CD33: variants seen among roughly 807,000 people sequenced by gnomAD.
CD33 encodes the protein CD33 molecule, also known as myeloid cell surface antigen CD33.
CD33 carries 25 observed loss-of-function variants against 31.4 expected under a neutral mutation model. The ratio of observed to expected loss-of-function variants is 0.80; its 90% CI spans 0.58 to 1.11. CD33 has a LOEUF of 1.11. Ranked by LOEUF, CD33 falls within the 50% of genes most tolerant of loss-of-function variation. CD33 has a pLI of 0.00. For synonymous variants in CD33, 176 were observed against 180.6 expected (o/e 0.97, Z 0.20); for missense variants, 407 against 448.1 (o/e 0.91, Z 0.83).
At chr19:51,221,124 CA>C (rs1217799275), upstream of CD33, among the ~76,000 whole-genome samples, 1 of 152,050 alleles carries the variant, frequency 6.6e-6, no homozygotes, top group Non-Finnish European at 1.5e-5. Context: ...TCACATTTCT[CA>C]AAAAAATATA....
the CD33 span, among the ~76,000 whole-genome samples, chr19:51,213,756 G>A: frequency 3.1e-4 from 47 of 150,796 alleles, no homozygotes; most frequent in East Asian, 3.9e-4. Flanking sequence ...GGCTGATATC[G>A]AACTCCTGAC....
the CD33 span, among the ~76,000 whole-genome samples, chr19:51,217,709 A>G: frequency 6.6e-6 from 1 of 151,442 alleles, no homozygotes; most frequent in African/African-American, 2.4e-5. Context: ...ATGAGCTACC[A>G]CTCCTGGCCT....
At chr19:51,223,936 G>A (rs1980810840), upstream of CD33, among the ~76,000 whole-genome samples, 9 of 152,138 alleles carry the variant, frequency 5.9e-5, no homozygotes, top group Admixed American at 5.9e-4. Context: ...GGCTATGGAT[G>A]GGGAGTATCT....
At chr19:51,236,048 C>T in intron 6 of CD33, 2 of 542,364 alleles carry the variant, frequency 3.7e-6, no homozygotes, top group Non-Finnish European at 6.7e-6. Flanking sequence ...GTCCCAGCTA[C>T]TTGGGAGGCT....
chr19:51,226,238 A>G, intron 3 of CD33, 71 bp from the exon 4 acceptor site: 1 of 1,526,468 alleles, frequency 6.6e-7, no homozygotes, highest in Non-Finnish European at 9.1e-7. Context: ...TTCTGGCAGG[A>G]GTAAGGGGAA....
the CD33 span, among the ~76,000 whole-genome samples, chr19:51,216,668 G>GA: frequency 1.1e-3 from 153 of 135,334 alleles, no homozygotes; most frequent in South Asian, 4.0e-3. Flanking sequence ...CTCTGTCTCA[G>GA]AAAAAAAAAA....
the CD33 span, chr19:51,211,645 G>C: frequency 7.8e-7 from 1 of 1,280,658 alleles, no homozygotes; most frequent in Non-Finnish European, 1.1e-6. Flanking sequence ...CCTCAGGACA[G>C]GGCTTGGGAT....
upstream of CD33, among the ~76,000 whole-genome samples, chr19:51,221,077 A>G (rs1380024684): frequency 1.3e-5 from 2 of 152,234 alleles, no homozygotes; most frequent in Non-Finnish European, 2.9e-5. Flanking sequence ...CAATAACAAA[A>G]AATAAACAAC....
the CD33 span, among the ~76,000 whole-genome samples, chr19:51,215,459 C>T: frequency 1.4e-4 from 22 of 152,210 alleles, 1 homozygote; most frequent in Admixed American, 3.9e-4. Flanking sequence ...ACTTATATGC[C>T]CCGATCTCTT....
At chr19:51,217,819 A>T in the CD33 span, among the ~76,000 whole-genome samples, 1 of 152,214 alleles carries the variant, frequency 6.6e-6, no homozygotes, top group Admixed American at 6.5e-5. Context: ...CTTCTGAATT[A>T]TTTCAGTTAA....
At chr19:51,229,848 A>AT (rs914887370) in intron 4 of CD33, among the ~76,000 whole-genome samples, 210 of 150,020 alleles carry the variant, frequency 1.4e-3, no homozygotes, top group African/African-American at 1.9e-3. Context: ...TTGTTCATTG[A>AT]TTTTTTTTTA....
At chr19:51,214,423 T>C in the CD33 span, among the ~76,000 whole-genome samples, 21 of 150,068 alleles carry the variant, frequency 1.4e-4, no homozygotes, top group Non-Finnish European at 2.2e-4. Flanking sequence ...GTCTCGAATT[T>C]CTGACCTCGT....
chr19:51,225,881 C>G lies in CD33; in HGVS notation c.497C>G (p.Ser166Cys), dbSNP rs749625569. 2 of 1,614,096 alleles carry G rather than the reference C, an allele frequency of 1.2e-6. No homozygotes were observed. The highest frequency in any genetic ancestry group is 1.7e-6 in the Non-Finnish European group (2 of 1,180,022). The change falls in exon 3 of 7, where the codon TCC becomes TGC. Residue 166 changes from serine (S) to cysteine (C), a missense_variant. Physicochemically the swap from Ser to Cys is moderately radical, Grantham distance 112. Transcript: ENST00000262262. ...TCCAAAAACCTGACCTGCTCTGTGT[C>G]CTGGGCCTGTGAGCAGGGAACACCC... Reference protein sequence around the residue: ...GHSKNLTCSVSWACEQGTPPI... With the variant: ...GHSKNLTCSVCWACEQGTPPI...
chr19:51,225,674 G>C (rs1980952830), intron 2 of CD33, 76 bp downstream of exon 2: 1 of 1,531,100 alleles, frequency 6.5e-7, no homozygotes, highest in South Asian at 1.3e-5. Context: ...TGGGACCCTG[G>C]TACTGGGAGG....
intron 6 of CD33, chr19:51,236,808 A>T (rs1393255098): frequency 6.6e-6 from 1 of 150,878 alleles, no homozygotes; most frequent in Non-Finnish European, 1.5e-5. Context: ...TAACACAACC[A>T]CTCCTGAGCC....
At chr19:51,239,245 A>C in intron 6 of CD33, 1 of 273,540 alleles carries the variant, frequency 3.7e-6, no homozygotes, top group Non-Finnish European at 6.8e-6. Context: ...ATGGATTAAA[A>C]TAATAGATGC....
At chr19:51,229,693 T>C (rs1213701760) in intron 4 of CD33, among the ~76,000 whole-genome samples, 3 of 152,148 alleles carry the variant, frequency 2.0e-5, no homozygotes, top group African/African-American at 4.8e-5. Context: ...TTGTTCATAG[T>C]AGTGTCTAAG....
At position 51,232,982 on chromosome 19, in the gene CD33, A is replaced by G. The variant is rs139919305; in HGVS notation, c.746-2175A>G. Among the ~76,000 whole-genome samples the G allele has an allele frequency of 2.0e-5, 3 of 152,226 alleles. No homozygotes were observed. The East Asian group carries it at 5.8e-4, about 29-fold the overall frequency. On this transcript the variant is annotated intron_variant, in intron 4 of 6. Coordinates refer to ENST00000262262, the MANE Select transcript of CD33 (RefSeq NM_001772.4). ...CTAGGGTTTGGGATGTGAGTGTAAG[A>G]CTGCTCAGCTGGCCTAGGGGGTGTA...
upstream of CD33, among the ~76,000 whole-genome samples, chr19:51,223,929 T>C (rs1189510162): frequency 6.6e-6 from 1 of 152,164 alleles, no homozygotes; most frequent in Non-Finnish European, 1.5e-5. Flanking sequence ...GACATGAGGC[T>C]ATGGATGGGG....
Sources: gnomAD v4.1 joint callset for allele counts (sites outside exome capture counted in the v4.1 genomes callset) on GRCh38, gnomAD v4.1.1 for gene constraint, MANE v1.5 for transcripts, NCBI Gene and HGNC (gene_info 2026-07-23, HGNC 2026-07-21) for gene names.